DNAH8: variants seen among roughly 807,000 people sequenced by gnomAD.
The protein encoded by DNAH8 is dynein axonemal heavy chain 8, also known as axonemal beta dynein heavy chain 8.
In DNAH8, 382 loss-of-function variants were observed where a neutral mutation model predicts 562.1. The observed-to-expected ratio is 0.68, with a 90% CI of 0.63 to 0.74. DNAH8 has a LOEUF of 0.74. DNAH8 is among the 30% of genes least tolerant of loss of function. The pLI, the probability that DNAH8 is intolerant of heterozygous loss-of-function variation, is 0.00. For synonymous variants in DNAH8, 1,881 were observed against 1,919.4 expected (o/e 0.98, Z 0.52); for missense variants, 5,203 against 5,620.4 (o/e 0.93, Z 2.37).
intron 26 of DNAH8, among the ~76,000 whole-genome samples, chr6:38,819,486 A>G (rs1233742072): frequency 4.6e-5 from 7 of 152,166 alleles, no homozygotes; most frequent in African/African-American, 7.2e-5. Flanking sequence ...TTACCCACAC[A>G]TAGACTTAAA....
chr6:38,786,482 C>A lies in DNAH8; in HGVS notation c.2396-283C>A, dbSNP rs76788180. Among the ~76,000 whole-genome samples the A allele has an allele frequency of 1.4e-4, 22 of 152,206 alleles. No individual in the cohort carries two copies. The East Asian group carries it at 4.2e-3, about 29-fold the overall frequency. On this transcript the variant is annotated intron_variant, in intron 17 of 92. Transcript: ENST00000327475. ...ATAAACTGACATAGACCTATTCAAC[C>A]CACTCAGAAAAATATTGCAATTCAT...
intron 57 of DNAH8, 140 bp downstream of exon 57, chr6:38,887,144 G>A: frequency 3.3e-6 from 2 of 614,898 alleles, no homozygotes; most frequent in Non-Finnish European, 5.8e-6. Context: ...AGGAAAGAGG[G>A]ACTAAATACT....
chr6:39,019,772 A>G (rs527803152), intron 91 of DNAH8, among the ~76,000 whole-genome samples: 2 of 152,332 alleles, frequency 1.3e-5, no homozygotes, highest in African/African-American at 4.8e-5. Context: ...GGAGAGACCC[A>G]GGTGTTGTCA....
chr6:38,827,062 T>C (rs1773393892), intron 29 of DNAH8, among the ~76,000 whole-genome samples: 1 of 152,152 alleles, frequency 6.6e-6, no homozygotes, highest in Non-Finnish European at 1.5e-5. Context: ...CCCTCCTTTT[T>C]CTAGCTTCTA....
rs531940513 is a variant in DNAH8, at chr6:38,884,006, T to G, written c.8259+8T>G. The G allele has an allele frequency of 6.5e-7, 1 of 1,527,578 alleles. No homozygotes were observed. The highest frequency in any genetic ancestry group is 1.3e-5 in the South Asian group (1 of 76,020). 94.6% of individuals were successfully genotyped at this position (1,527,578 alleles called of 1,614,324 possible). On this transcript the variant is annotated splice_region_variant and intron_variant, in intron 56 of 92. Coordinates refer to ENST00000327475, the MANE Select transcript of DNAH8 (RefSeq NM_001206927.2). ...AATGAGTGGGGAGATCAGGTATGGCTGAAATATCTCATATAGATGATCCTG... is the reference window on the plus strand; with the variant it reads ...AATGAGTGGGGAGATCAGGTATGGCGGAAATATCTCATATAGATGATCCTG...
At chr6:38,923,689 C>A (rs925010486) in intron 72 of DNAH8, 1 of 290,424 alleles carries the variant, frequency 3.4e-6, no homozygotes, top group African/African-American at 2.2e-5. Context: ...AGACTGAAAT[C>A]TGAATAAGAG....
chr6:38,892,303 G>A (rs862433), intron 58 of DNAH8, among the ~76,000 whole-genome samples: 31,595 of 152,008 alleles, frequency 0.21, 3,511 homozygotes, highest in African/African-American at 0.25. Flanking sequence ...CTGGCTCCAG[G>A]CCGATTGCTA....
chr6:38,897,432 C>T (rs1208394338), intron 60 of DNAH8, among the ~76,000 whole-genome samples: 1 of 152,044 alleles, frequency 6.6e-6, no homozygotes, highest in Non-Finnish European at 1.5e-5. Flanking sequence ...AATCACAAGA[C>T]AGAAAATATA....
intron 26 of DNAH8, 138 bp downstream of exon 26, chr6:38,815,795 G>C (rs1193989803): frequency 2.5e-6 from 2 of 814,270 alleles, no homozygotes; most frequent in East Asian, 5.7e-5. Flanking sequence ...TAACGTGCAG[G>C]CATTTTTTCC....
At chr6:38,940,296 A>G (rs990477681) in intron 79 of DNAH8, among the ~76,000 whole-genome samples, 11 of 152,212 alleles carry the variant, frequency 7.2e-5, no homozygotes, top group African/African-American at 2.7e-4. Context: ...ACCGATGCAT[A>G]CAAGAGCCAA....
rs368133429 is a variant in DNAH8, at chr6:39,030,156, C to T, written c.13888C>T (p.Arg4630Trp). 117 of 1,613,834 alleles carry T rather than the reference C, an allele frequency of 7.2e-5. 1 individual carries two copies. The South Asian group carries it at 8.9e-4, about 12-fold the overall frequency. Residue 4630 changes from arginine to tryptophan, a missense_variant, in exon 93 of 93, where the codon CGG becomes TGG. By Grantham distance (101) the Arg-to-Trp change is moderately radical. Transcript: ENST00000327475. ...LYMDGAAWDR[R>W]NGKLMESTPK... is the part of the protein sequence containing the mutation. ...CATGGATGGAGCAGCCTGGGACAGACGGAATGGGAAGCTCATGGAATCCAC... is the reference window on the plus strand; with the variant it reads ...CATGGATGGAGCAGCCTGGGACAGATGGAATGGGAAGCTCATGGAATCCAC...
chr6:38,929,418 T>C, intron 74 of DNAH8, 93 bp from the exon 75 acceptor site: 3 of 1,287,656 alleles, frequency 2.3e-6, no homozygotes, highest in Non-Finnish European at 3.1e-6. Flanking sequence ...CCCTTAAAAT[T>C]CTTGATTACC....
At chr6:39,006,154 T>C (rs1329656792) in intron 88 of DNAH8, among the ~76,000 whole-genome samples, 1 of 152,244 alleles carries the variant, frequency 6.6e-6, no homozygotes, top group Non-Finnish European at 1.5e-5. Context: ...CCAGCCTTGC[T>C]GATGTGTTGA....
intron 91 of DNAH8, among the ~76,000 whole-genome samples, chr6:39,024,493 AC>A (rs1215075276): frequency 4.6e-5 from 7 of 152,166 alleles, no homozygotes; most frequent in African/African-American, 1.4e-4. Context: ...TGGAAAACAC[AC>A]CACATGTTTT....
intron 21 of DNAH8, among the ~76,000 whole-genome samples, chr6:38,793,429 T>A (rs1738242): frequency 0.15 from 23,447 of 152,220 alleles, 1,970 homozygotes; most frequent in East Asian, 0.3. Context: ...TAAGTTATTT[T>A]GTTTGATATT....
Position 38,872,626 on chromosome 6 carries a change from G to T in DNAH8, c.7081G>T (p.Ala2361Ser), listed in dbSNP as rs375336311. 30 of 1,614,068 alleles carry T rather than the reference G, an allele frequency of 1.9e-5. No homozygotes were observed. The African/African-American group carries it at 3.1e-4, about 16-fold the overall frequency. The part of the protein sequence containing the change: ...KTTVITILMK[A>S]QTECGRPHRE... ...AACCGTTATCACGATTCTAATGAAG[G>T]CGCAAACAGAATGCGGAAGGCCTCA... Residue 2361 changes from alanine (A) to serine (S), a missense_variant, in exon 50 of 93, where the codon GCG (alanine) becomes TCG (serine). Ala to Ser is a moderately conservative substitution (Grantham distance 99). Around this residue, in one of 6 missense-constraint regions of DNAH8, gnomAD observed 2,176 missense variants for 2,365.1 expected, o/e 0.92. Coordinates refer to ENST00000327475, the MANE Select transcript of DNAH8 (RefSeq NM_001206927.2).
Position 38,769,714 on chromosome 6 carries a change from T to C in DNAH8, c.1618-699T>C, listed in dbSNP as rs1005747828. 3.9e-5 allele frequency among the ~76,000 whole-genome samples: 6 copies of C among 152,160 alleles called. No homozygotes were observed. In the South Asian group the frequency reaches 1.0e-3, roughly 26 times the overall value. On this transcript the variant is annotated intron_variant, in intron 11 of 92. Coordinates refer to ENST00000327475, the MANE Select transcript of DNAH8 (RefSeq NM_001206927.2). ...AAGTGCTGATCAGCTGATATGGGGA[T>C]TACCCAAGTGGGCCCAATGTTTAAG...
chr6:38,854,972 AT>A (rs1776071349), intron 41 of DNAH8, among the ~76,000 whole-genome samples: 1 of 148,556 alleles, frequency 6.7e-6, no homozygotes, highest in East Asian at 1.9e-4. Context: ...ATATAATACT[AT>A]ATATATAATA....
At chr6:38,773,457 G>A (rs1362861592) in intron 12 of DNAH8, among the ~76,000 whole-genome samples, 2 of 152,148 alleles carry the variant, frequency 1.3e-5, no homozygotes, top group Admixed American at 1.3e-4. Context: ...ATGACCAGCT[G>A]CATCAGCTGC....
Sources: allele counts gnomAD v4.1 joint callset (sites outside exome capture counted in the v4.1 genomes callset), GRCh38; gene constraint gnomAD v4.1.1; regional missense constraint gnomAD v4.1.1; transcripts MANE v1.5; gene names NCBI Gene and HGNC (gene_info 2026-07-23, HGNC 2026-07-21).